Variants in PRKD1 observed in about 807,000 individuals in gnomAD.
PRKD1 encodes protein kinase D1, also known as serine/threonine-protein kinase D1.
Under a neutral mutation model 95.9 loss-of-function variants are expected in PRKD1, and 63 were observed. The observed-to-expected ratio is 0.66, with a 90% CI of 0.54 to 0.81. The LOEUF (loss-of-function observed/expected upper bound fraction) is 0.81. Among genes scored for constraint, PRKD1 ranks in the 30% least tolerant of loss-of-function variants. The pLI, the probability that PRKD1 is intolerant of heterozygous loss-of-function variation, is 0.00. For missense variants in PRKD1, 1,048 were observed against 1,165.3 expected (o/e 0.90, Z 1.47); for synonymous variants, 425 against 423.1 (o/e 1.00, Z -0.05).
intron 4 of PRKD1, among the ~76,000 whole-genome samples, chr14:29,654,584 G>T (rs865943300): frequency 3.9e-5 from 6 of 152,144 alleles, no homozygotes; most frequent in Middle Eastern, 3.4e-3. Context: ...GGACAGATTG[G>T]TTACATAAAT....
At chr14:29,650,735 G>A (rs1284370066) in intron 4 of PRKD1, among the ~76,000 whole-genome samples, 2 of 152,172 alleles carry the variant, frequency 1.3e-5, no homozygotes, top group African/African-American at 4.8e-5. Context: ...TAATCATTAG[G>A]TAACATTCTT....
At chr14:29,919,239 T>C (rs959016885) in intron 1 of PRKD1, among the ~76,000 whole-genome samples, 4 of 152,210 alleles carry the variant, frequency 2.6e-5, no homozygotes, top group Non-Finnish European at 5.9e-5. Context: ...ACTATATCAA[T>C]TGTCTGGCTT....
intron 15 of PRKD1, among the ~76,000 whole-genome samples, chr14:29,598,307 T>G (rs865864392): frequency 0.017 from 2,448 of 146,192 alleles, 92 homozygotes; most frequent in African/African-American, 0.055. Context: ...TAAAATAAAA[T>G]AAAATAAAAT....
At chr14:29,794,615 G>T (rs1440828474) in intron 1 of PRKD1, among the ~76,000 whole-genome samples, 1 of 151,810 alleles carries the variant, frequency 6.6e-6, no homozygotes, top group Non-Finnish European at 1.5e-5. Flanking sequence ...TATTTGAAAG[G>T]CAAAGAGCTC....
rs5807548 is a variant in PRKD1 at position 29,685,734 on chromosome 14, CTG to C, written c.404-19528_404-19527del. On this transcript the variant is annotated intron_variant, in intron 2 of 17. Transcript: ENST00000331968. ...GCAAAAGATGTATCTTTATCCTCAT[CTG>C]TGTGTGTGTGTGTGTGTGTGTACAG... Among the ~76,000 whole-genome samples the C allele has an allele frequency of 2.5e-4, 37 of 149,074 alleles. No homozygotes were observed. The South Asian group carries it at 3.0e-3, about 12-fold the overall frequency.
chr14:29,641,533 G>A (rs996690917), intron 4 of PRKD1, among the ~76,000 whole-genome samples: 1 of 152,170 alleles, frequency 6.6e-6, no homozygotes, highest in Non-Finnish European at 1.5e-5. Context: ...TTGGGAAAGC[G>A]AGAGTGGAGA....
In PRKD1 at chr14:29,725,670, G is replaced by T; in HGVS notation, c.269C>A (p.Pro90His). Residue 90 changes from proline (P) to histidine (H), a missense_variant, in exon 2 of 18, where the codon CCT (proline) becomes CAT (histidine). Transcript: ENST00000331968. The part of the protein sequence containing the change: ...MACSIVDQKF[P>H]ECGFYGMYDK... ...ATACATTCCGTAGAAACCACATTCA[G>T]GGAACTGCAAATACAAATACCATGA... 1 of 1,612,986 alleles carries T rather than the reference G, an allele frequency of 6.2e-7. No individual in the cohort carries two copies.
At chr14:29,791,958 C>T (rs530236027) in intron 1 of PRKD1, among the ~76,000 whole-genome samples, 86 of 152,220 alleles carry the variant, frequency 5.6e-4, no homozygotes, top group Middle Eastern at 3.4e-3. Context: ...TTCTCACCAG[C>T]AGTGTATGAA....
intron 1 of PRKD1, among the ~76,000 whole-genome samples, chr14:29,870,391 GA>G (rs892537706): frequency 4.4e-4 from 66 of 150,916 alleles, no homozygotes; most frequent in Admixed American, 3.6e-3. Context: ...TGCAGGTGTA[GA>G]AAAAAAAAGG....
rs1428306681 is a variant in PRKD1 at position 29,806,812 on chromosome 14, C to T, written c.265-81138G>A. On this transcript the variant is annotated intron_variant, in intron 1 of 17. Coordinates refer to ENST00000331968, the MANE Select transcript of PRKD1 (RefSeq NM_002742.3). ...CTTTTGCAACTGAAACAAGAGAGGTCCTTTGGTCTCAAAGATTGAAATGTT... is the reference window on the plus strand; with the variant it reads ...CTTTTGCAACTGAAACAAGAGAGGTTCTTTGGTCTCAAAGATTGAAATGTT... Among the ~76,000 whole-genome samples the T allele has an allele frequency of 2.6e-5, 4 of 152,160 alleles. No homozygotes were observed. In the East Asian group the frequency reaches 7.7e-4, roughly 29 times the overall value.
chr14:29,864,008 C>T lies in PRKD1; in HGVS notation c.264+63241G>A, dbSNP rs190608732. ...AAGTTAAACAGTATGATATTGTGTG[C>T]GGTAAAAATGCTTGTTTTTTCAAAA... On this transcript the variant is annotated intron_variant, in intron 1 of 17. Coordinates refer to ENST00000331968, the MANE Select transcript of PRKD1 (RefSeq NM_002742.3). Among the ~76,000 whole-genome samples the T allele has an allele frequency of 2.3e-3, 349 of 151,998 alleles. 2 individuals carry two copies. Among genetic ancestry groups the T allele is most frequent in the African/African-American group, 8.0e-3 (330 of 41,492 alleles).
At chr14:29,750,904 C>T (rs2139459935) in intron 1 of PRKD1, among the ~76,000 whole-genome samples, 1 of 152,242 alleles carries the variant, frequency 6.6e-6, no homozygotes. Flanking sequence ...TATGTATATT[C>T]CCATTCAAAA....
intron 1 of PRKD1, among the ~76,000 whole-genome samples, chr14:29,786,235 T>C (rs1889268220): frequency 6.6e-6 from 1 of 152,206 alleles, no homozygotes; most frequent in South Asian, 2.1e-4. Context: ...GCTGTTGGAT[T>C]AATTTTCATA....
chr14:29,734,421 T>C (rs1297762641), intron 1 of PRKD1, among the ~76,000 whole-genome samples: 1 of 152,190 alleles, frequency 6.6e-6, no homozygotes, highest in Non-Finnish European at 1.5e-5. Flanking sequence ...CTTTTTTTAA[T>C]GGATATTGAC....
At chr14:29,910,546 G>A (rs1037641243) in intron 1 of PRKD1, among the ~76,000 whole-genome samples, 1 of 152,152 alleles carries the variant, frequency 6.6e-6, no homozygotes, top group Non-Finnish European at 1.5e-5. Context: ...AAGAATTAAT[G>A]TAGCCTTAAG....
chr14:29,649,797 C>A (rs577309560), intron 4 of PRKD1, among the ~76,000 whole-genome samples: 1 of 152,220 alleles, frequency 6.6e-6, no homozygotes, highest in African/African-American at 2.4e-5. Context: ...ATATACATTC[C>A]AATGGAGTGG....
rs369255115 is a variant in PRKD1 at position 29,630,844 on chromosome 14, C to T, written c.1570G>A (p.Val524Ile). The change falls in exon 10 of 18, where the codon GTT becomes ATT. Residue 524 changes from valine (V) to isoleucine (I), a missense_variant. Transcript: ENST00000331968. ...CACATCCTGGCCACATCTGCACCAA[C>T]GCCACTGGTGAGAACACTGTTATTT... is the stretch of plus-strand genomic sequence containing the variant. ...SPNNSVLTSG[V>I]GADVARMWEI... The T allele has an allele frequency of 2.9e-5, 46 of 1,613,976 alleles. No individual in the cohort carries two copies. Among genetic ancestry groups the T allele is most frequent in the African/African-American group, 9.3e-5 (7 of 74,906 alleles).
At chr14:29,616,844 T>C (rs1327626289) in intron 13 of PRKD1, among the ~76,000 whole-genome samples, 1 of 152,202 alleles carries the variant, frequency 6.6e-6, no homozygotes, top group Admixed American at 6.5e-5. Flanking sequence ...ATAGGGTTTG[T>C]TATATAGTTG....
intron 1 of PRKD1, among the ~76,000 whole-genome samples, chr14:29,797,139 G>C (rs891989449): frequency 1.3e-5 from 2 of 152,102 alleles, no homozygotes; most frequent in Admixed American, 1.3e-4. Context: ...GAATTTACAG[G>C]CACCCTAACT....
Sources: gnomAD v4.1 joint callset for allele counts (sites outside exome capture counted in the v4.1 genomes callset) on GRCh38, gnomAD v4.1.1 for gene constraint, MANE v1.5 for transcripts, NCBI Gene and HGNC (gene_info 2026-07-23, HGNC 2026-07-21) for gene names.